Variants in SUGCT observed in about 807,000 individuals in gnomAD.
SUGCT encodes succinyl-CoA:glutarate-CoA transferase, also known as succinyl-CoA:glutarate CoA-transferase.
In SUGCT, 41 loss-of-function variants were observed where a neutral mutation model predicts 55.0. The ratio of observed to expected loss-of-function variants is 0.74; its 90% CI spans 0.58 to 0.97. The LOEUF is 0.97. Among genes scored for constraint, SUGCT ranks in the 50% least tolerant of loss-of-function variants. SUGCT has a pLI of 0.00. For missense variants in SUGCT, 568 were observed against 547.8 expected (o/e 1.04, Z -0.37); for synonymous variants, 187 against 200.4 (o/e 0.93, Z 0.56).
intron 13 of SUGCT, among the ~76,000 whole-genome samples, chr7:40,851,193 A>C (rs1793833055): frequency 1.3e-5 from 2 of 152,292 alleles, no homozygotes; most frequent in South Asian, 4.1e-4. Context: ...ATCACTTCTC[A>C]AAAACAACAG....
chr7:40,671,054 T>C lies in SUGCT; in HGVS notation c.1090-78380T>C, dbSNP rs191814184. 8.7e-4 allele frequency among the ~76,000 whole-genome samples: 133 copies of C among 152,324 alleles called. 1 individual carries two copies. The highest frequency in any genetic ancestry group is 1.4e-3 in the South Asian group (7 of 4,828). ...AAAATAATTATATACCATGACTAAA[T>C]TGGGTTTATTCCAGGGTGCAAGTTA... On this transcript the variant is annotated intron_variant, in intron 12 of 13. Transcript: ENST00000335693.
At chr7:40,837,248 T>C (rs574838669) in intron 13 of SUGCT, among the ~76,000 whole-genome samples, 7 of 152,216 alleles carry the variant, frequency 4.6e-5, no homozygotes, top group Non-Finnish European at 1.0e-4. Context: ...GAAATGTCTG[T>C]TCATGTTTTT....
intron 8 of SUGCT, among the ~76,000 whole-genome samples, chr7:40,295,565 G>A (rs1385935177): frequency 6.6e-6 from 1 of 150,574 alleles, no homozygotes; most frequent in African/African-American, 2.5e-5. Flanking sequence ...GATAAAGGAA[G>A]ACTCTGTCTC....
At chr7:40,141,113 T>C (rs1787957533) in intron 1 of SUGCT, among the ~76,000 whole-genome samples, 1 of 152,162 alleles carries the variant, frequency 6.6e-6, no homozygotes, top group Admixed American at 6.6e-5. Context: ...CTATCATAAA[T>C]GGGACTGCCT....
At chr7:40,652,633 G>GTTTTAGGTT (rs1297993943) in intron 12 of SUGCT, among the ~76,000 whole-genome samples, 1 of 152,174 alleles carries the variant, frequency 6.6e-6, no homozygotes, top group African/African-American at 2.4e-5. Context: ...GTTGATATTA[G>GTTTTAGGTT]TTTTAGGTTT....
At chr7:40,481,846 T>C (rs762098163) in intron 11 of SUGCT, among the ~76,000 whole-genome samples, 7 of 152,154 alleles carry the variant, frequency 4.6e-5, no homozygotes, top group Non-Finnish European at 7.4e-5. Context: ...TGTTAAAAAG[T>C]GCAACTCTTC....
chr7:40,793,351 C>T (rs1190063150), intron 13 of SUGCT: 1 of 152,072 alleles, frequency 6.6e-6, no homozygotes, highest in Non-Finnish European at 1.5e-5. Context: ...TCTAGTTAGT[C>T]ATTTCATTGG....
At chr7:40,249,313 CTATATATATATATATATATA>C (rs57348487) in intron 7 of SUGCT, among the ~76,000 whole-genome samples, 2,302 of 79,534 alleles carry the variant, frequency 0.029, 165 homozygotes, top group African/African-American at 0.12. Flanking sequence ...CACCAAAAAG[CTATATATATATATATATATA>C]TATATATATA....
At chr7:40,558,484 ATG>A (rs1362063932) in intron 12 of SUGCT, among the ~76,000 whole-genome samples, 4 of 152,242 alleles carry the variant, frequency 2.6e-5, no homozygotes, top group Non-Finnish European at 5.9e-5. Flanking sequence ...TTGAAACATT[ATG>A]CTAAGTAAAA....
chr7:40,291,268 G>A (rs1223755873), intron 8 of SUGCT, among the ~76,000 whole-genome samples: 3 of 151,866 alleles, frequency 2.0e-5, no homozygotes, highest in African/African-American at 4.8e-5. Flanking sequence ...ATGTCCATCA[G>A]TGATAGACTG....
chr7:40,683,414 C>G (rs1372238539), intron 12 of SUGCT, among the ~76,000 whole-genome samples: 1 of 152,196 alleles, frequency 6.6e-6, no homozygotes, highest in Non-Finnish European at 1.5e-5. Flanking sequence ...GAAGTCTGAG[C>G]TTGTGCTTTT....
Position 40,684,138 on chromosome 7 carries a change from G to A in SUGCT, c.1090-65296G>A, listed in dbSNP as rs1280748609. 1.9e-6 allele frequency: 3 copies of A among 1,597,592 alleles called. No homozygotes were observed. In the South Asian group the frequency reaches 3.4e-5, roughly 18 times the overall value. ...CATCTTCAAGGATCAGCAAGGGTGA[G>A]TTGAGCCCTTCTCTTACTACATCTC... On this transcript the variant is annotated intron_variant, in intron 12 of 13. Transcript: ENST00000335693.
intron 11 of SUGCT, among the ~76,000 whole-genome samples, chr7:40,487,170 C>T (rs1791417470): frequency 6.8e-6 from 1 of 147,904 alleles, no homozygotes; most frequent in African/African-American, 2.5e-5. Flanking sequence ...CTGCAATCTC[C>T]ACCGCCCAGG....
chr7:40,714,812 T>C (rs1375827308), intron 12 of SUGCT, among the ~76,000 whole-genome samples: 1 of 152,212 alleles, frequency 6.6e-6, no homozygotes, highest in Non-Finnish European at 1.5e-5. Flanking sequence ...AGAGAATACA[T>C]GGAAATAATA....
chr7:40,417,719 T>C (rs1787081047), intron 9 of SUGCT, among the ~76,000 whole-genome samples: 1 of 15,666 alleles, frequency 6.4e-5, no homozygotes, highest in South Asian at 0.033. Flanking sequence ...TGTTTGACTG[T>C]ATTATTCATG....
chr7:40,349,939 C>T (rs757467856), intron 9 of SUGCT, among the ~76,000 whole-genome samples: 6 of 152,174 alleles, frequency 3.9e-5, no homozygotes, highest in East Asian at 1.9e-4. Context: ...CCTCCTGCCT[C>T]GGCTTCCCAA....
intron 9 of SUGCT, among the ~76,000 whole-genome samples, chr7:40,379,648 A>C (rs542015186): frequency 7.2e-4 from 109 of 152,190 alleles, no homozygotes; most frequent in African/African-American, 2.5e-3. Flanking sequence ...TTTGACAGAG[A>C]TTTCCTGTCT....
chr7:40,221,321 C>T (rs1461695300), intron 6 of SUGCT, among the ~76,000 whole-genome samples: 2 of 148,478 alleles, frequency 1.3e-5, no homozygotes, highest in Non-Finnish European at 3.0e-5. Context: ...GGGTGAGGCA[C>T]AAGACTCGCT....
chr7:40,248,888 G>GCGCACA lies in SUGCT; in HGVS notation c.576+11163_576+11164insGCACAC, dbSNP rs774950218. On this transcript the variant is annotated intron_variant, in intron 7 of 13. Coordinates refer to ENST00000335693, the MANE Select transcript of SUGCT (RefSeq NM_001193313.2). ...CTCTTTCCAGCGCGCGCGCGCGCTCGCACACACACACACACACACACGCAC... is the reference window on the plus strand; with the variant it reads ...CTCTTTCCAGCGCGCGCGCGCGCTCGCGCACACACACACACACACACACACACGCAC... Among the ~76,000 whole-genome samples, 188 of 135,576 alleles carry GCGCACA rather than the reference G, an allele frequency of 1.4e-3. 3 individuals carry two copies. Among genetic ancestry groups the GCGCACA allele is most frequent in the Non-Finnish European group, 1.8e-3 (116 of 63,608 alleles). The allele number at this position is 135,576 out of a possible 152,430, so 88.9% of individuals were successfully genotyped here.
Sources: gnomAD v4.1 joint callset for allele counts (sites outside exome capture counted in the v4.1 genomes callset) on GRCh38, gnomAD v4.1.1 for gene constraint, MANE v1.5 for transcripts, NCBI Gene and HGNC (gene_info 2026-07-23, HGNC 2026-07-21) for gene names.